Variants in TBL1X observed in about 807,000 individuals in gnomAD.
The protein encoded by TBL1X is F-box-like/WD repeat-containing protein TBL1X.
Under a neutral mutation model 50.7 loss-of-function variants are expected in TBL1X, and 10 were observed. The ratio of observed to expected loss-of-function variants is 0.20; its 90% CI spans 0.12 to 0.33. The LOEUF is 0.33. Among genes scored for constraint, TBL1X ranks in the 10% least tolerant of loss-of-function variants. TBL1X has a pLI of 1.00. For synonymous variants in TBL1X, 190 were observed against 214.7 expected, an observed-to-expected ratio of 0.88 and a Z score of 1.01; for missense variants, 340 against 504.4, an observed-to-expected ratio of 0.67 and a Z score of 3.12.
At position 9,644,150 on chromosome X, in the gene TBL1X, G is replaced by A. The variant is rs192615902; in HGVS notation, c.-43+3790G>A. Among the ~76,000 whole-genome samples the A allele has an allele frequency of 9.8e-5, 11 of 112,084 alleles. 1 individual carries two copies. In the Middle Eastern group the frequency reaches 0.028, roughly 280 times the overall value. ...ATTCCTGAAATTTGTTTGAAGGCCC[G>A]GTGCACATTGTGTAGAAACTGTGTT... On this transcript the variant is annotated intron_variant, in intron 3 of 17. Transcript: ENST00000645353.
At chrX:9,687,220 A>G (rs1323015549) in intron 6 of TBL1X, among the ~76,000 whole-genome samples, 1 of 103,654 alleles carries the variant, frequency 9.6e-6, no homozygotes, top group African/African-American at 3.4e-5. Flanking sequence ...CAGAGAATCA[A>G]AGAATGGTCA....
intron 1 of TBL1X, among the ~76,000 whole-genome samples, chrX:9,474,361 A>G: frequency 8.8e-6 from 1 of 113,297 alleles, no homozygotes; most frequent in Non-Finnish European, 1.9e-5. Context: ...GGTAGGACAC[A>G]GTTGTACTCC....
At chrX:9,631,164 G>A (rs1425516574) in intron 2 of TBL1X, among the ~76,000 whole-genome samples, 1 of 111,044 alleles carries the variant, frequency 9.0e-6, no homozygotes, top group Non-Finnish European at 1.9e-5. Flanking sequence ...TTAGGTTCAG[G>A]GGTACATGTG....
chrX:9,695,911 G>T (rs2083128625), intron 11 of TBL1X, among the ~76,000 whole-genome samples: 1 of 112,405 alleles, frequency 8.9e-6, no homozygotes, highest in Non-Finnish European at 1.9e-5. Flanking sequence ...CAGTGAAAAT[G>T]CATATGTGGA....
At chrX:9,647,785 G>A (rs139804869) in intron 3 of TBL1X, among the ~76,000 whole-genome samples, 1,689 of 111,295 alleles carry the variant, frequency 0.015, 27 homozygotes, top group African/African-American at 0.05. Context: ...TTGCCTGCTT[G>A]ACATTGCTGA....
chrX:9,519,202 AC>A (rs1433682609), intron 2 of TBL1X, among the ~76,000 whole-genome samples: 1 of 111,727 alleles, frequency 9.0e-6, no homozygotes, highest in Non-Finnish European at 1.9e-5. Flanking sequence ...TACAGTTGCC[AC>A]CATATGGTAT....
chrX:9,657,718 A>T (rs1014743562), intron 5 of TBL1X, among the ~76,000 whole-genome samples: 17 of 112,619 alleles, frequency 1.5e-4, no homozygotes, highest in African/African-American at 5.5e-4. Flanking sequence ...TTTGCCCATC[A>T]GAAGCACTCA....
At chrX:9,504,456 G>C (rs1229882241) in intron 2 of TBL1X, among the ~76,000 whole-genome samples, 1 of 112,144 alleles carries the variant, frequency 8.9e-6, no homozygotes, top group Non-Finnish European at 1.9e-5. Flanking sequence ...TCAGATGGAT[G>C]AATTGACAGA....
intron 1 of TBL1X, among the ~76,000 whole-genome samples, chrX:9,486,453 C>G (rs1015953460): frequency 9.1e-6 from 1 of 110,224 alleles, no homozygotes; most frequent in Non-Finnish European, 1.9e-5. Flanking sequence ...AGGCTGGTCT[C>G]GAGCTCCTGG....
intron 2 of TBL1X, among the ~76,000 whole-genome samples, chrX:9,517,303 C>T (rs766944122): frequency 9.0e-6 from 1 of 111,315 alleles, no homozygotes; most frequent in East Asian, 2.8e-4. Flanking sequence ...TGGATTCCTT[C>T]CCATACACCT....
At chrX:9,545,385 A>G (rs1253023705) in intron 2 of TBL1X, among the ~76,000 whole-genome samples, 2 of 109,525 alleles carry the variant, frequency 1.8e-5, no homozygotes, top group East Asian at 5.8e-4. Context: ...TGCAAAAAAT[A>G]AAAAAATGAA....
At chrX:9,659,869 G>A (rs1383199207) in intron 5 of TBL1X, among the ~76,000 whole-genome samples, 1 of 112,363 alleles carries the variant, frequency 8.9e-6, no homozygotes, top group Non-Finnish European at 1.9e-5. Flanking sequence ...CTTCCTTTGA[G>A]GATTTGCAGC....
chrX:9,540,535 T>G (rs1281238041), intron 2 of TBL1X, among the ~76,000 whole-genome samples: 1 of 112,662 alleles, frequency 8.9e-6, no homozygotes, highest in Non-Finnish European at 1.9e-5. Flanking sequence ...ACAAGGGAAG[T>G]TAAATTAAAA....
At chrX:9,568,280 C>T (rs960763690) in intron 2 of TBL1X, among the ~76,000 whole-genome samples, 2 of 109,126 alleles carry the variant, frequency 1.8e-5, no homozygotes, top group African/African-American at 6.7e-5. Flanking sequence ...TGTTGTGTTG[C>T]ATGTGTCTGT....
chrX:9,623,674 G>A (rs2082678550), intron 2 of TBL1X, among the ~76,000 whole-genome samples: 1 of 110,963 alleles, frequency 9.0e-6, no homozygotes, highest in South Asian at 3.7e-4. Context: ...GCAACAGAGT[G>A]AGACCCTGTC....
At chrX:9,672,407 C>T (rs988865187) in intron 5 of TBL1X, among the ~76,000 whole-genome samples, 3 of 111,815 alleles carry the variant, frequency 2.7e-5, no homozygotes, top group Non-Finnish European at 5.6e-5. Flanking sequence ...CTTTCCAGAC[C>T]GAACAGCAAG....
At chrX:9,570,075 T>G (rs749112128) in intron 2 of TBL1X, among the ~76,000 whole-genome samples, 1 of 112,217 alleles carries the variant, frequency 8.9e-6, no homozygotes, top group East Asian at 2.8e-4. Context: ...CTCGTTGATT[T>G]AAAGATGTGA....
intron 5 of TBL1X, among the ~76,000 whole-genome samples, chrX:9,680,240 AT>A (rs2083017853): frequency 8.9e-6 from 1 of 112,029 alleles, no homozygotes; most frequent in Non-Finnish European, 1.9e-5. Flanking sequence ...GGACACAAAC[AT>A]TCAGAACGTA....
At chrX:9,701,477 T>G (rs936618938) in intron 12 of TBL1X, among the ~76,000 whole-genome samples, 1 of 103,592 alleles carries the variant, frequency 9.7e-6, no homozygotes, top group Non-Finnish European at 1.9e-5. Flanking sequence ...ATCAGGAATG[T>G]CCAGTCTTTT....
Sources: gnomAD v4.1 joint callset for allele counts (sites outside exome capture counted in the v4.1 genomes callset) on GRCh38, gnomAD v4.1.1 for gene constraint, MANE v1.5 for transcripts, NCBI Gene and HGNC (gene_info 2026-07-23, HGNC 2026-07-21) for gene names.